SIDT1: variants seen among roughly 807,000 people sequenced by gnomAD.
SIDT1 encodes the protein SID1 transmembrane family member 1.
A neutral mutation model predicts 107.5 loss-of-function variants in SIDT1; 101 were observed. That is an observed-to-expected ratio of 0.94 (90% CI 0.80 to 1.11). The LOEUF is 1.11. Ranked by LOEUF, SIDT1 falls within the 50% of genes least tolerant of loss-of-function variation. The pLI is 0.00. For missense variants in SIDT1, 1,076 were observed against 1,058.2 expected (o/e 1.02, Z -0.23); for synonymous variants, 395 against 398.2 (o/e 0.99, Z 0.10).
intron 20 of SIDT1, among the ~76,000 whole-genome samples, chr3:113,617,207 G>A (rs1350877039): frequency 2.6e-5 from 4 of 152,144 alleles, no homozygotes; most frequent in East Asian, 1.9e-4. Flanking sequence ...TGTCCATTAC[G>A]AACTTACACT....
At chr3:113,569,332 C>T (rs556760581) in intron 3 of SIDT1, among the ~76,000 whole-genome samples, 237 of 152,146 alleles carry the variant, frequency 1.6e-3, no homozygotes, top group African/African-American at 5.4e-3. Flanking sequence ...TAACTGCACA[C>T]TTTTCTATAA....
chr3:113,604,989 C>T lies in SIDT1; in HGVS notation c.1404+13C>T. 6.2e-7 allele frequency: 1 copy of T among 1,613,450 alleles called. No individual in the cohort carries two copies. The highest frequency in any genetic ancestry group is 8.5e-7 in the Non-Finnish European group (1 of 1,179,912). On this transcript the variant is annotated intron_variant, in intron 14 of 24. Transcript: ENST00000264852. The stretch of plus-strand genomic sequence containing the variant: ...TACCTATCAGACAGTAAGTGCTGCC[C>T]CAGCCCCAGCCCCAGAGTCCCAGCT...
chr3:113,548,676 G>T (rs1454485340), intron 1 of SIDT1, among the ~76,000 whole-genome samples: 1 of 151,978 alleles, frequency 6.6e-6, no homozygotes, highest in Admixed American at 6.6e-5. Context: ...CATCATCAAG[G>T]GTGGGAAGTT....
At position 113,608,233 on chromosome 3, in the gene SIDT1, G is replaced by T. The variant is rs1391646764; in HGVS notation, c.1602+16G>T. On this transcript the variant is annotated intron_variant, in intron 16 of 24. Coordinates refer to ENST00000264852, the MANE Select transcript of SIDT1 (RefSeq NM_017699.3). ...CTTTGCTGTGGTGAGGAAAGAGTGG[G>T]TAGGAGCTAGGAAGGGTTATGGATC... The T allele has an allele frequency of 6.4e-7, 1 of 1,573,510 alleles. No individual in the cohort carries two copies. Among genetic ancestry groups the T allele is most frequent in the Non-Finnish European group, 8.6e-7 (1 of 1,159,510 alleles).
At chr3:113,581,297 T>C in intron 5 of SIDT1, 64 bp from the exon 6 acceptor site, 3 of 1,295,626 alleles carry the variant, frequency 2.3e-6, no homozygotes, top group Middle Eastern at 1.9e-4. Flanking sequence ...ACAGGACCTA[T>C]GTGTGGCATG....
rs1202760441 is a variant in SIDT1, at chr3:113,553,344, A to G, written c.223-13076A>G. Among the ~76,000 whole-genome samples, 4 of 152,268 alleles carry G rather than the reference A, an allele frequency of 2.6e-5. No individual in the cohort carries two copies. The South Asian group carries it at 6.2e-4, about 24-fold the overall frequency. On this transcript the variant is annotated intron_variant, in intron 1 of 24. Coordinates refer to ENST00000264852, the MANE Select transcript of SIDT1 (RefSeq NM_017699.3). ...AATGGCTCCAGTCTGGCAATAAATTATATCACAAAAATAAAAGGCTGGTAA... is the reference window on the plus strand; with the variant it reads ...AATGGCTCCAGTCTGGCAATAAATTGTATCACAAAAATAAAAGGCTGGTAA...
downstream of SIDT1, among the ~76,000 whole-genome samples, chr3:113,631,362 A>C (rs536643480): frequency 1.3e-5 from 2 of 152,204 alleles, no homozygotes; most frequent in Non-Finnish European, 2.9e-5. Flanking sequence ...TGAAAGAGGA[A>C]GCATGGTTTT....
intron 23 of SIDT1, 99 bp from the exon 24 acceptor site, chr3:113,626,003 C>T: frequency 1.2e-6 from 1 of 803,508 alleles, no homozygotes; most frequent in Non-Finnish European, 2.2e-6. Flanking sequence ...CTTTTCGAAC[C>T]AGACATCTAG....
intron 1 of SIDT1, among the ~76,000 whole-genome samples, chr3:113,542,229 G>A (rs997054582): frequency 1.3e-5 from 2 of 152,068 alleles, no homozygotes; most frequent in Admixed American, 6.6e-5. Flanking sequence ...GGCATTAGTA[G>A]GTCAGTTTTT....
intron 3 of SIDT1, 42 bp from the exon 4 acceptor site, chr3:113,576,879 CT>C: frequency 6.3e-7 from 1 of 1,597,396 alleles, no homozygotes; most frequent in Non-Finnish European, 8.6e-7. Context: ...TTATGCTTTT[CT>C]CTCACTTTTC....
At chr3:113,630,808 A>G (rs549345040), downstream of SIDT1, among the ~76,000 whole-genome samples, 2 of 152,300 alleles carry the variant, frequency 1.3e-5, no homozygotes, top group South Asian at 2.1e-4. Context: ...TCACGCAGAC[A>G]GGATCCTCAG....
chr3:113,625,419 G>A (rs1220337777), intron 23 of SIDT1, among the ~76,000 whole-genome samples: 1 of 152,118 alleles, frequency 6.6e-6, no homozygotes, highest in Admixed American at 6.5e-5. Flanking sequence ...GATTACAGGT[G>A]TGAGCCACCA....
intron 9 of SIDT1, among the ~76,000 whole-genome samples, chr3:113,587,639 G>A (rs989275440): frequency 6.6e-6 from 1 of 152,112 alleles, no homozygotes; most frequent in Non-Finnish European, 1.5e-5. Flanking sequence ...CATGGCAGGC[G>A]CTCTAAGTAG....
chr3:113,626,002 C>G (rs889737216), intron 23 of SIDT1, 100 bp from the exon 24 acceptor site: 3 of 799,416 alleles, frequency 3.8e-6, no homozygotes, highest in Non-Finnish European at 6.6e-6. Flanking sequence ...ACTTTTCGAA[C>G]CAGACATCTA....
intron 17 of SIDT1, among the ~76,000 whole-genome samples, chr3:113,608,871 A>G (rs1013272465): frequency 7.9e-5 from 12 of 152,156 alleles, no homozygotes; most frequent in African/African-American, 2.9e-4. Flanking sequence ...TCATCAGGCT[A>G]TCTTCCCTGC....
chr3:113,621,326 C>T (rs1207736786), intron 21 of SIDT1, among the ~76,000 whole-genome samples: 1 of 151,746 alleles, frequency 6.6e-6, no homozygotes, highest in Non-Finnish European at 1.5e-5. Context: ...TGAGGGAGGC[C>T]AGGTGCAGTG....
chr3:113,536,797 A>C (rs1164352535), intron 1 of SIDT1, among the ~76,000 whole-genome samples: 1 of 152,256 alleles, frequency 6.6e-6, no homozygotes, highest in Non-Finnish European at 1.5e-5. Flanking sequence ...AGAATGATGA[A>C]AATAATAATT....
chr3:113,595,847 A>G (rs1944508749), intron 10 of SIDT1, among the ~76,000 whole-genome samples: 1 of 152,290 alleles, frequency 6.6e-6, no homozygotes. Context: ...CAAGACCTAG[A>G]TGCTTAAACC....
Position 113,584,593 on chromosome 3 carries a change from G to C in SIDT1, c.836-105G>C. ...TTGCTAAAATAAGATTCAGTGATCAGAATTAATTCTGGACATTTTTTGAAC... is the reference window on the plus strand; with the variant it reads ...TTGCTAAAATAAGATTCAGTGATCACAATTAATTCTGGACATTTTTTGAAC... On this transcript the variant is annotated intron_variant, in intron 7 of 24. Coordinates refer to ENST00000264852, the MANE Select transcript of SIDT1 (RefSeq NM_017699.3). 4.1e-6 allele frequency: 3 copies of C among 739,160 alleles called. No homozygotes were observed. In the South Asian group the frequency reaches 4.9e-5, roughly 12 times the overall value. 45.8% of individuals were successfully genotyped at this position (739,160 alleles called of 1,614,324 possible). A position where few individuals can be genotyped will look rare whatever the true frequency, so the allele number is the denominator to read the frequency against.
Sources: allele counts gnomAD v4.1 joint callset (sites outside exome capture counted in the v4.1 genomes callset), GRCh38; gene constraint gnomAD v4.1.1; transcripts MANE v1.5; gene names NCBI Gene and HGNC (gene_info 2026-07-23, HGNC 2026-07-21).